The following DPP10 variants were observed in gnomAD, a reference collection of about 807,000 sequenced individuals.
DPP10 encodes the protein dipeptidyl peptidase like 10.
A neutral mutation model predicts 120.9 loss-of-function variants in DPP10; 33 were observed. The ratio of observed to expected loss-of-function variants is 0.27; its 90% CI spans 0.21 to 0.37. The LOEUF is 0.37. Among genes scored for constraint, DPP10 ranks in the 10% least tolerant of loss-of-function variants. The pLI is 1.00. For synonymous variants in DPP10, 337 were observed against 326.1 expected, an observed-to-expected ratio of 1.03 and a Z score of -0.36; for missense variants, 816 against 942.8, an observed-to-expected ratio of 0.87 and a Z score of 1.76.
chr2:114,838,417 G>A lies in DPP10; in HGVS notation c.60+395579G>A, dbSNP rs945171860. ...CAACTGCCACCTCCCGGATTTGAGCGACCCTCCCACCTCAGCCTTGGAGTA... is the reference window on the plus strand; with the variant it reads ...CAACTGCCACCTCCCGGATTTGAGCAACCCTCCCACCTCAGCCTTGGAGTA... On this transcript the variant is annotated intron_variant, in intron 1 of 25. Transcript: ENST00000410059. Among the ~76,000 whole-genome samples, 9 of 151,998 alleles carry A rather than the reference G, an allele frequency of 5.9e-5. No individual in the cohort carries two copies. In the South Asian group the frequency reaches 6.2e-4, roughly 11 times the overall value.
intron 7 of DPP10, among the ~76,000 whole-genome samples, chr2:115,695,488 A>T (rs113986270): frequency 1.3e-3 from 198 of 152,268 alleles, no homozygotes; most frequent in African/African-American, 4.3e-3. Context: ...CACGTCTTAC[A>T]TGGCAGTGGG....
chr2:115,003,417 T>C (rs1245475279), intron 1 of DPP10, among the ~76,000 whole-genome samples: 1 of 151,998 alleles, frequency 6.6e-6, no homozygotes, highest in Non-Finnish European at 1.5e-5. Context: ...TTGGGTACTA[T>C]GCTCATTACA....
chr2:115,294,587 ATCTTCAAAAATC>A (rs2060801527), intron 1 of DPP10, among the ~76,000 whole-genome samples: 1 of 152,038 alleles, frequency 6.6e-6, no homozygotes, highest in African/African-American at 2.4e-5. Context: ...TCTTAAATTT[ATCTTCAAAAATC>A]TCTTGAAAAC....
At chr2:115,076,836 T>C (rs1192349921) in intron 1 of DPP10, among the ~76,000 whole-genome samples, 1 of 152,242 alleles carries the variant, frequency 6.6e-6, no homozygotes, top group African/African-American at 2.4e-5. Flanking sequence ...ACATGCCTTG[T>C]GTTCATATGT....
intron 1 of DPP10, among the ~76,000 whole-genome samples, chr2:115,169,318 A>G (rs553468403): frequency 2.0e-5 from 3 of 152,304 alleles, no homozygotes; most frequent in South Asian, 2.1e-4. Flanking sequence ...TCTTAATGCT[A>G]TCGTGCTTCT....
At chr2:114,565,456 C>A (rs1293829690) in intron 1 of DPP10, among the ~76,000 whole-genome samples, 1 of 152,184 alleles carries the variant, frequency 6.6e-6, no homozygotes, top group African/African-American at 2.4e-5. Context: ...ACAAGCTACT[C>A]TCTGGATAAG....
chr2:115,275,845 A>G (rs574654531), intron 1 of DPP10, among the ~76,000 whole-genome samples: 3,495 of 151,694 alleles, frequency 0.023, 55 homozygotes, highest in Non-Finnish European at 0.036. Flanking sequence ...GACTACAGGC[A>G]CCTGCCACCA....
At chr2:115,275,512 T>A (rs950786692) in intron 1 of DPP10, among the ~76,000 whole-genome samples, 1 of 152,124 alleles carries the variant, frequency 6.6e-6, no homozygotes, top group African/African-American at 2.4e-5. Context: ...TTAAAGAGTT[T>A]AAGGGACTTT....
chr2:114,946,355 T>A (rs1697346868), intron 1 of DPP10, among the ~76,000 whole-genome samples: 1 of 152,158 alleles, frequency 6.6e-6, no homozygotes, highest in African/African-American at 2.4e-5. Context: ...TAAAGGAGGA[T>A]CTAATGGATA....
chr2:114,951,796 C>T (rs897093078), intron 1 of DPP10, among the ~76,000 whole-genome samples: 13 of 152,056 alleles, frequency 8.5e-5, no homozygotes, highest in African/African-American at 2.4e-5. Flanking sequence ...GAGTTTTACA[C>T]ATATCCACTT....
At chr2:114,760,590 A>T (rs1290593886) in intron 1 of DPP10, among the ~76,000 whole-genome samples, 1 of 151,680 alleles carries the variant, frequency 6.6e-6, no homozygotes, top group Non-Finnish European at 1.5e-5. Flanking sequence ...ACAAGTACCT[A>T]TCTCTCAAAC....
rs1422734433 is a variant in DPP10, at chr2:115,343,926, T to C, written c.271+14T>C. On this transcript the variant is annotated intron_variant, in intron 3 of 25. Transcript: ENST00000410059. ...GGTGGATCAATGGTAAGTGTATACC[T>C]TTTTAAACATTGTATTCATTTTGAG... is the stretch of plus-strand genomic sequence containing the variant. 6.4e-7 allele frequency: 1 copy of C among 1,557,120 alleles called. No homozygotes were observed. The highest frequency in any genetic ancestry group is 1.2e-5 in the South Asian group (1 of 81,952).
intron 5 of DPP10, among the ~76,000 whole-genome samples, chr2:115,568,979 A>G (rs866854447): frequency 3.3e-5 from 5 of 152,180 alleles, no homozygotes; most frequent in Admixed American, 2.6e-4. Flanking sequence ...GATATGTGAT[A>G]GTCTTCCTTA....
At chr2:115,777,719 G>T in intron 14 of DPP10, 68 bp from the exon 15 acceptor site, 1 of 1,535,056 alleles carries the variant, frequency 6.5e-7, no homozygotes. Context: ...GTGACAATGT[G>T]ACAAAATTCA....
At chr2:115,409,817 G>C (rs1214905786) in intron 3 of DPP10, among the ~76,000 whole-genome samples, 2 of 152,126 alleles carry the variant, frequency 1.3e-5, no homozygotes, top group Non-Finnish European at 2.9e-5. Flanking sequence ...ATATACCATG[G>C]AATACTACTA....
At chr2:114,913,080 G>A (rs1333448445) in intron 1 of DPP10, among the ~76,000 whole-genome samples, 2 of 152,154 alleles carry the variant, frequency 1.3e-5, no homozygotes, top group Admixed American at 1.3e-4. Context: ...CCCTGGCTGG[G>A]TGTATCTGCT....
intron 3 of DPP10, among the ~76,000 whole-genome samples, chr2:115,394,454 T>C (rs7578789): frequency 0.47 from 66,921 of 142,254 alleles, 16,541 homozygotes; most frequent in Non-Finnish European, 0.56. Flanking sequence ...GGCTGCTACA[T>C]GTAATCAACC....
intron 1 of DPP10, among the ~76,000 whole-genome samples, chr2:115,135,602 C>G (rs953016293): frequency 5.3e-5 from 8 of 152,152 alleles, no homozygotes; most frequent in African/African-American, 1.9e-4. Flanking sequence ...GAAATCATTT[C>G]TACTCTCCAG....
At chr2:114,887,202 G>A (rs1457183456) in intron 1 of DPP10, among the ~76,000 whole-genome samples, 2 of 152,066 alleles carry the variant, frequency 1.3e-5, no homozygotes, top group African/African-American at 4.8e-5. Flanking sequence ...AAACACTTTG[G>A]ATATTGGGAT....
Sources: gnomAD v4.1 joint callset for allele counts (sites outside exome capture counted in the v4.1 genomes callset) on GRCh38, gnomAD v4.1.1 for gene constraint, MANE v1.5 for transcripts, NCBI Gene and HGNC (gene_info 2026-07-23, HGNC 2026-07-21) for gene names.